The following ZNF875 variants were observed in gnomAD, a reference collection of about 807,000 sequenced individuals.
ZNF875 encodes the protein HKR1, GLI-Kruppel zinc finger family member.
In ZNF875, 14 loss-of-function variants were observed where a neutral mutation model predicts 11.2. The observed-to-expected ratio is 1.26, with a 90% CI of 0.83 to 1.96. The LOEUF is 1.96. ZNF875 is among the 30% of genes most tolerant of loss of function. The probability of loss-of-function intolerance (pLI) is 0.00; values close to 1 mark genes in which losing one functional copy is unlikely to be tolerated. For missense variants in ZNF875, 752 were observed against 760.4 expected, an observed-to-expected ratio of 0.99 and a Z score of 0.13; for synonymous variants, 301 against 281.1, an observed-to-expected ratio of 1.07 and a Z score of -0.71.
At chr19:37,315,219 T>C (rs539157721), upstream of ZNF875, 3 of 152,364 alleles carry the variant, frequency 2.0e-5, no homozygotes, top group Admixed American at 2.0e-4. Context: ...GGGGGCACTT[T>C]ACATAAGGAT....
chr19:37,338,175 T>C (rs1163362013), intron 2 of ZNF875, among the ~76,000 whole-genome samples: 2 of 152,220 alleles, frequency 1.3e-5, no homozygotes, highest in Non-Finnish European at 2.9e-5. Flanking sequence ...CAGGCTGCAG[T>C]GCAGTGGCAC....
At chr19:37,344,620 G>C (rs2036407602) in intron 2 of ZNF875, 1 of 1,376,818 alleles carries the variant, frequency 7.3e-7, no homozygotes, top group South Asian at 1.2e-5. Context: ...CTGGCAAGCA[G>C]ATGAATTAAC....
Position 37,358,910 on chromosome 19 carries a change from T to A in ZNF875, c.257-3199T>A, listed in dbSNP as rs57519751. On this transcript the variant is annotated intron_variant, in intron 4 of 4. Coordinates refer to ENST00000392153, the MANE Select transcript of ZNF875 (RefSeq NM_001353803.2). ...GTATACAGTTCAATATATATATATTTTTTTTTTGAGATGGAGTTTCACTGT... is the reference window on the plus strand; with the variant it reads ...GTATACAGTTCAATATATATATATTATTTTTTTGAGATGGAGTTTCACTGT... 3.8e-3 allele frequency among the ~76,000 whole-genome samples: 576 copies of A among 151,724 alleles called. 2 individuals carry two copies. Among genetic ancestry groups the A allele is most frequent in the African/African-American group, 0.013 (555 of 41,206 alleles).
chr19:37,347,905 C>A, intron 4 of ZNF875, 33 bp downstream of exon 4: 3 of 1,276,654 alleles, frequency 2.3e-6, no homozygotes, highest in Non-Finnish European at 1.1e-6. Flanking sequence ...ACGGGATAAT[C>A]CACAGCTTGG....
chr19:37,349,987 A>G (rs1025518695), intron 4 of ZNF875, among the ~76,000 whole-genome samples: 6 of 103,712 alleles, frequency 5.8e-5, no homozygotes, highest in African/African-American at 2.3e-4. Flanking sequence ...TTTTTTTAAT[A>G]CAGAGTCTCG....
chr19:37,349,822 T>A (rs534099811), intron 4 of ZNF875, among the ~76,000 whole-genome samples: 4 of 151,600 alleles, frequency 2.6e-5, no homozygotes, highest in Non-Finnish European at 5.9e-5. Flanking sequence ...GCCTGGCTGG[T>A]TTTTGTATTT....
upstream of ZNF875, among the ~76,000 whole-genome samples, chr19:37,330,292 C>G (rs1220354388): frequency 1.3e-5 from 2 of 152,168 alleles, no homozygotes; most frequent in Non-Finnish European, 2.9e-5. Flanking sequence ...CACTTTCACT[C>G]ATCAGCTCCT....
chr19:37,353,613 A>G (rs1568633281), intron 4 of ZNF875, among the ~76,000 whole-genome samples: 1 of 152,094 alleles, frequency 6.6e-6, no homozygotes, highest in Non-Finnish European at 1.5e-5. Flanking sequence ...CTGGCATTGG[A>G]TTTTCCATTT....
At chr19:37,352,285 C>T (rs577207817) in intron 4 of ZNF875, among the ~76,000 whole-genome samples, 75 of 151,776 alleles carry the variant, frequency 4.9e-4, no homozygotes, top group African/African-American at 1.7e-3. Context: ...GGCACTTTCT[C>T]GGGCGTGGCT....
chr19:37,362,931 A>G lies in ZNF875; in HGVS notation c.1079A>G (p.His360Arg). Reference protein sequence around the residue: ...KSNLITHQRAHTGEKPYVCRE... With the variant: ...KSNLITHQRARTGEKPYVCRE... ...AACCTCATTACCCACCAGAGGGCGC[A>G]CACTGGGGAGAAGCCTTATGTTTGC... The change falls in exon 5 of 5, where the codon CAC becomes CGC. Residue 360 changes from histidine (H) to arginine (R), a missense_variant. Coordinates refer to ENST00000392153, the MANE Select transcript of ZNF875 (RefSeq NM_001353803.2). The G allele has an allele frequency of 6.2e-7, 1 of 1,614,134 alleles. No individual in the cohort carries two copies. The highest frequency in any genetic ancestry group is 8.5e-7 in the Non-Finnish European group (1 of 1,180,022).
intron 4 of ZNF875, chr19:37,359,376 A>G (rs2039509256): frequency 5.3e-6 from 1 of 189,644 alleles, no homozygotes; most frequent in Non-Finnish European, 1.1e-5. Flanking sequence ...TTCTAGACGT[A>G]TAAGAATGGC....
intron 4 of ZNF875, among the ~76,000 whole-genome samples, chr19:37,325,941 TCAA>T (rs1227408153): frequency 6.6e-6 from 1 of 152,142 alleles, no homozygotes; most frequent in African/African-American, 2.4e-5. Context: ...ACTCCAGAGC[TCAA>T]GTGATCCACC....
upstream of ZNF875, among the ~76,000 whole-genome samples, chr19:37,313,953 T>C (rs1313516467): frequency 6.6e-6 from 1 of 152,204 alleles, no homozygotes; most frequent in Admixed American, 6.6e-5. Context: ...TGATCATAAT[T>C]CACAATTCTT....
At chr19:37,361,452 T>TCTC (rs1188126369) in intron 4 of ZNF875, among the ~76,000 whole-genome samples, 3 of 152,124 alleles carry the variant, frequency 2.0e-5, no homozygotes, top group South Asian at 4.2e-4. Context: ...TCCTTTTCCT[T>TCTC]CTCCTCCTCC....
intron 4 of ZNF875, among the ~76,000 whole-genome samples, chr19:37,360,555 T>TTCCAA (rs2039723486): frequency 6.6e-6 from 1 of 152,246 alleles, no homozygotes; most frequent in Non-Finnish European, 1.5e-5. Context: ...ATAGTAAGCC[T>TTCCAA]TCCAATCTAT....
At chr19:37,314,903 C>A (rs1165220418), upstream of ZNF875, 1 of 151,620 alleles carries the variant, frequency 6.6e-6, no homozygotes, top group Non-Finnish European at 1.5e-5. Context: ...ATATTAATAA[C>A]ATATCACAGA....
At chr19:37,333,419 G>A (rs1169754732), upstream of ZNF875, among the ~76,000 whole-genome samples, 6 of 152,116 alleles carry the variant, frequency 3.9e-5, no homozygotes, top group East Asian at 3.9e-4. Flanking sequence ...TAGGGCTCTC[G>A]GCTGATCCTC....
chr19:37,354,032 G>A (rs1245742025), intron 4 of ZNF875, among the ~76,000 whole-genome samples: 1 of 151,518 alleles, frequency 6.6e-6, no homozygotes, highest in African/African-American at 2.4e-5. Flanking sequence ...CTGGAAATGT[G>A]TTTCTGAAGA....
chr19:37,318,813 G>A (rs180990690), intron 1 of ZNF875, among the ~76,000 whole-genome samples: 7 of 151,556 alleles, frequency 4.6e-5, no homozygotes, highest in African/African-American at 9.7e-5. Context: ...GAGCCACCGC[G>A]CCCAGCTTAT....
Sources: allele counts gnomAD v4.1 joint callset (sites outside exome capture counted in the v4.1 genomes callset), GRCh38; gene constraint gnomAD v4.1.1; transcripts MANE v1.5; gene names NCBI Gene and HGNC (gene_info 2026-07-23, HGNC 2026-07-21).